Variants in STEAP3 observed in about 807,000 individuals in gnomAD.
STEAP3 encodes the protein STEAP3 metalloreductase.
A neutral mutation model predicts 34.9 loss-of-function variants in STEAP3; 35 were observed. The observed-to-expected ratio is 1.00, with a 90% confidence interval of 0.76 to 1.33. The LOEUF (loss-of-function observed/expected upper bound fraction) is 1.33, where lower values mean the gene tolerates loss of function less well. Ranked by LOEUF, STEAP3 falls within the 40% of genes most tolerant of loss-of-function variation. The pLI, the probability that STEAP3 is intolerant of heterozygous loss-of-function variation, is 0.00. For synonymous variants in STEAP3, 281 were observed against 301.6 expected (o/e 0.93, Z 0.71); for missense variants, 652 against 667.6 (o/e 0.98, Z 0.26).
chr2:119,237,380 A>C (rs547738208), intron 2 of STEAP3, among the ~76,000 whole-genome samples: 1 of 152,234 alleles, frequency 6.6e-6, no homozygotes, highest in East Asian at 1.9e-4. Flanking sequence ...GAGGGTAGGG[A>C]GGTGGCAGGC....
At position 119,245,648 on chromosome 2, in the gene STEAP3, G is replaced by A. The variant is rs202182166; in HGVS notation, c.182G>A (p.Gly61Asp). The A allele has an allele frequency of 2.5e-5, 40 of 1,611,974 alleles. No individual in the cohort carries two copies. The East Asian group carries it at 8.0e-4, about 32-fold the overall frequency. The change falls in exon 3 of 6, where the codon GGC becomes GAC. Residue 61 changes from glycine (G) to aspartate (D), a missense_variant. Physicochemically the swap from Gly to Asp is moderately conservative, Grantham distance 94 (BLOSUM62 -1). Coordinates refer to ENST00000393110, the MANE Select transcript of STEAP3 (RefSeq NM_182915.3). Reference sequence around the variant, plus strand: ...CTGGCCACACGCCTGGTGGGCTCTGGCTTCAAAGTGGTGGTGGGGAGCCGC... The same window carrying A: ...CTGGCCACACGCCTGGTGGGCTCTGACTTCAAAGTGGTGGTGGGGAGCCGC... ...RSLATRLVGS[G>D]FKVVVGSRNP...
rs540030138 is a variant in STEAP3 at position 119,228,346 on chromosome 2, T to C, written c.-393-2274T>C. On this transcript the variant is annotated intron_variant, in intron 1 of 5. Coordinates refer to ENST00000393110, the MANE Select transcript of STEAP3 (RefSeq NM_182915.3). The stretch of plus-strand genomic sequence containing the variant: ...TGGCCTGCCCATTGCCACAGTGGGC[T>C]TGCTGGCATCCAGGGGGGCTTTCTG... 4.6e-5 allele frequency among the ~76,000 whole-genome samples: 7 copies of C among 152,280 alleles called. 1 individual carries two copies. The South Asian group carries it at 1.5e-3, about 32-fold the overall frequency.
At chr2:119,259,957 A>C (rs1677890696) in intron 5 of STEAP3, among the ~76,000 whole-genome samples, 1 of 152,202 alleles carries the variant, frequency 6.6e-6, no homozygotes, top group Non-Finnish European at 1.5e-5. Context: ...TGGTGACGAC[A>C]GTCTCCTAAA....
chr2:119,228,907 G>A (rs1019047866), intron 1 of STEAP3, among the ~76,000 whole-genome samples: 5 of 152,124 alleles, frequency 3.3e-5, no homozygotes, highest in African/African-American at 7.2e-5. Flanking sequence ...CCAGGAACGC[G>A]TACTCTCCAG....
chr2:119,224,804 T>C (rs1678987897), intron 1 of STEAP3, among the ~76,000 whole-genome samples: 1 of 152,226 alleles, frequency 6.6e-6, no homozygotes, highest in East Asian at 1.9e-4. Context: ...TTCCCATTTA[T>C]GTGTGCCAGG....
chr2:119,248,130 T>G lies in STEAP3; in HGVS notation c.974T>G (p.Leu325Arg). 2 of 1,608,614 alleles carry G rather than the reference T, an allele frequency of 1.2e-6. No homozygotes were observed. The highest frequency in any genetic ancestry group is 1.7e-6 in the Non-Finnish European group (2 of 1,179,816). Residue 325 changes from leucine (L) to arginine (R), a missense_variant, in exon 4 of 6, where the codon CTG becomes CGG. Coordinates refer to ENST00000393110, the MANE Select transcript of STEAP3 (RefSeq NM_182915.3). The stretch of plus-strand genomic sequence containing the variant: ...CTGCTCAGCTTCTTCTGCGCCGCCC[T>G]GCACGCCCTCTACAGCTTCTGCTTG... ...IGLLSFFCAALHALYSFCLPL... is the reference protein window; with the variant it reads ...IGLLSFFCAARHALYSFCLPL...
chr2:119,235,577 T>C (rs1381487945), intron 2 of STEAP3, among the ~76,000 whole-genome samples: 1 of 152,166 alleles, frequency 6.6e-6, no homozygotes, highest in Non-Finnish European at 1.5e-5. Flanking sequence ...CAGCAATATG[T>C]TTTCATCAGT....
At chr2:119,230,377 C>T (rs1676882509) in intron 1 of STEAP3, among the ~76,000 whole-genome samples, 1 of 152,086 alleles carries the variant, frequency 6.6e-6, no homozygotes, top group East Asian at 1.9e-4. Flanking sequence ...GTCTGTCTGT[C>T]CGTCTTTCTC....
intron 4 of STEAP3, chr2:119,249,099 A>G (rs1677544968): frequency 6.6e-6 from 1 of 152,440 alleles, no homozygotes; most frequent in Non-Finnish European, 1.5e-5. Context: ...AGTTGCCATC[A>G]GCTGAGATGG....
chr2:119,245,956 C>A lies in STEAP3; in HGVS notation c.490C>A (p.Leu164Met). 6.2e-7 allele frequency: 1 copy of A among 1,613,566 alleles called. No homozygotes were observed. Among genetic ancestry groups the A allele is most frequent in the African/African-American group, 1.3e-5 (1 of 75,066 alleles). The change falls in exon 3 of 6, where the codon CTG becomes ATG. Residue 164 changes from leucine to methionine, a missense_variant. Coordinates refer to ENST00000393110, the MANE Select transcript of STEAP3 (RefSeq NM_182915.3). ...CTTCAATGTCATCTCTGCCTGGACC[C>A]TGCAGGCTGGCCCAAGGGATGGTAA... ...KAFNVISAWTLQAGPRDGNRQ... is the reference protein window; with the variant it reads ...KAFNVISAWTMQAGPRDGNRQ...
intron 5 of STEAP3, among the ~76,000 whole-genome samples, chr2:119,258,885 G>A (rs838070): frequency 0.36 from 54,685 of 150,150 alleles, 10,964 homozygotes; most frequent in Non-Finnish European, 0.47. Context: ...GCCTTCCAAA[G>A]TGCTGGGATT....
intron 2 of STEAP3, among the ~76,000 whole-genome samples, chr2:119,240,381 G>A (rs998999954): frequency 1.3e-5 from 2 of 152,204 alleles, no homozygotes; most frequent in East Asian, 3.8e-4. Context: ...CTGGCTGCAG[G>A]GTGCCACAGC....
At chr2:119,232,825 G>A (rs558157896) in intron 2 of STEAP3, among the ~76,000 whole-genome samples, 86 of 152,196 alleles carry the variant, frequency 5.7e-4, no homozygotes, top group African/African-American at 1.9e-3. Flanking sequence ...ACCTCTAAGG[G>A]AAAGTACACA....
chr2:119,245,323 G>A (rs924024805), intron 2 of STEAP3, 166 bp from the exon 3 acceptor site: 5 of 959,854 alleles, frequency 5.2e-6, no homozygotes, highest in Middle Eastern at 3.4e-4. Context: ...AAGGGGCTGT[G>A]TTGTGTTCAG....
chr2:119,251,658 G>A (rs1010987900), intron 4 of STEAP3, among the ~76,000 whole-genome samples: 3 of 152,104 alleles, frequency 2.0e-5, no homozygotes, highest in Admixed American at 6.5e-5. Flanking sequence ...TGACCCCAGT[G>A]TCCTTGGGAT....
chr2:119,255,074 C>T (rs1677738372), intron 5 of STEAP3, among the ~76,000 whole-genome samples: 1 of 152,184 alleles, frequency 6.6e-6, no homozygotes, highest in Non-Finnish European at 1.5e-5. Context: ...CAGACACAGG[C>T]ATGTGAAAAA....
At chr2:119,243,542 G>T (rs13027293) in intron 2 of STEAP3, among the ~76,000 whole-genome samples, 51,261 of 152,152 alleles carry the variant, frequency 0.34, 9,953 homozygotes, top group East Asian at 0.66. Context: ...TACTTCCTGG[G>T]GTTCTTGTGA....
intron 5 of STEAP3, chr2:119,257,667 C>A: frequency 7.0e-7 from 1 of 1,429,800 alleles, no homozygotes; most frequent in South Asian, 1.6e-5. Context: ...GTGCAGCCAA[C>A]AGTGGCATGC....
chr2:119,260,149 G>C (rs1359231391), intron 5 of STEAP3, among the ~76,000 whole-genome samples: 1 of 152,084 alleles, frequency 6.6e-6, no homozygotes, highest in African/African-American at 2.4e-5. Flanking sequence ...CAGTCTAAAA[G>C]CCACAGACTG....
Sources: gnomAD v4.1 joint callset for allele counts (sites outside exome capture counted in the v4.1 genomes callset) on GRCh38, gnomAD v4.1.1 for gene constraint, MANE v1.5 for transcripts, NCBI Gene and HGNC (gene_info 2026-07-23, HGNC 2026-07-21) for gene names.